The following AMN1 variants were observed in gnomAD, a reference collection of about 807,000 sequenced individuals.
The protein encoded by AMN1 is antagonist of mitotic exit network 1 homolog, also known as protein AMN1 homolog.
AMN1 carries 20 observed loss-of-function variants against 33.0 expected under a neutral mutation model. That is an observed-to-expected ratio of 0.61 (90% CI 0.43 to 0.88). The LOEUF (loss-of-function observed/expected upper bound fraction) is 0.88. AMN1 is among the 40% of genes least tolerant of loss of function. AMN1 has a pLI of 0.00. For missense variants in AMN1, 246 were observed against 307.4 expected, an observed-to-expected ratio of 0.80 and a Z score of 1.49; for synonymous variants, 114 against 111.9, an observed-to-expected ratio of 1.02 and a Z score of -0.12.
rs1236327493 is a variant in AMN1 at position 31,685,027 on chromosome 12, TA to T, written c.703+3979del. Reference sequence around the variant, plus strand: ...TTTTATAAATTTTGTTTTCCATAATTATTATTTTTTTTTTTTTGAGATAGAG... The same window carrying T: ...TTTTATAAATTTTGTTTTCCATAATTTTATTTTTTTTTTTTTGAGATAGAG... On this transcript the variant is annotated intron_variant, in intron 6 of 6. Transcript: ENST00000281471. 9.1e-5 allele frequency among the ~76,000 whole-genome samples: 13 copies of T among 142,506 alleles called. 1 individual carries two copies. Among genetic ancestry groups the T allele is most frequent in the South Asian group, 4.5e-4 (2 of 4,460 alleles). The allele number at this position is 142,506 out of a possible 152,430, so 93.5% of individuals were successfully genotyped here. A position where few individuals can be genotyped will look rare whatever the true frequency, so the allele number is the denominator to read the frequency against.
rs11832803 is a variant in AMN1 at position 31,720,914 on chromosome 12, C to T, written c.38+8057G>A. On this transcript the variant is annotated intron_variant, in intron 1 of 6. Coordinates refer to ENST00000281471, the MANE Select transcript of AMN1 (RefSeq NM_001113402.2). ...ATTTGAGTACCCAGTTTCAATTCAA[C>T]TGGGTATAGACTTAGAAGTCAAATT... Among the ~76,000 whole-genome samples, 1,272 of 152,290 alleles carry T rather than the reference C, an allele frequency of 8.4e-3. 17 individuals carry two copies. Among genetic ancestry groups the T allele is most frequent in the African/African-American group, 0.029 (1,200 of 41,536 alleles).
intron 6 of AMN1, among the ~76,000 whole-genome samples, chr12:31,677,955 C>G (rs1468363357): frequency 6.6e-6 from 1 of 152,204 alleles, no homozygotes; most frequent in Non-Finnish European, 1.5e-5. Context: ...TGGCCCCGCC[C>G]TATACCCTGG....
At chr12:31,686,609 A>G (rs1164484214) in intron 6 of AMN1, among the ~76,000 whole-genome samples, 1 of 152,228 alleles carries the variant, frequency 6.6e-6, no homozygotes, top group Non-Finnish European at 1.5e-5. Flanking sequence ...CCTAGCCTAC[A>G]TGCTCAGAAC....
intron 5 of AMN1, among the ~76,000 whole-genome samples, chr12:31,694,810 G>T (rs749766363): frequency 1.3e-5 from 2 of 151,982 alleles, no homozygotes; most frequent in Non-Finnish European, 2.9e-5. Context: ...AAAGGTTAAA[G>T]TATATTCACT....
At chr12:31,723,689 T>G (rs1310858368) in intron 1 of AMN1, among the ~76,000 whole-genome samples, 2 of 152,228 alleles carry the variant, frequency 1.3e-5, no homozygotes, top group African/African-American at 2.4e-5. Context: ...CTCAGGCTGC[T>G]GCCATTTCTT....
In AMN1 at chr12:31,709,286, C is replaced by T. The variant is rs1239827648; in HGVS notation, c.171+7G>A. 1 of 1,612,842 alleles carries T rather than the reference C, an allele frequency of 6.2e-7. No individual in the cohort carries two copies. Among genetic ancestry groups the T allele is most frequent in the Non-Finnish European group, 8.5e-7 (1 of 1,179,236 alleles). On this transcript the variant is annotated splice_region_variant and intron_variant, in intron 2 of 6. Coordinates refer to ENST00000281471, the MANE Select transcript of AMN1 (RefSeq NM_001113402.2). ...TATGCTTGCTTTACAGTTATTCATA[C>T]TCTTACCTCACTTATATTTGAATCT... is the stretch of plus-strand genomic sequence containing the variant.
Position 31,718,874 on chromosome 12 carries a change from C to T in AMN1, c.39-9449G>A, listed in dbSNP as rs369376085. 7.2e-5 allele frequency among the ~76,000 whole-genome samples: 11 copies of T among 152,340 alleles called. 1 individual carries two copies. The highest frequency in any genetic ancestry group is 1.9e-4 in the East Asian group (1 of 5,192). On this transcript the variant is annotated intron_variant, in intron 1 of 6. Coordinates refer to ENST00000281471, the MANE Select transcript of AMN1 (RefSeq NM_001113402.2). ...TTTGTTTACACTGTGAGCATAGAAC[C>T]GCCTACTCAAGCCTCAGCAATGGCA...
intron 6 of AMN1, among the ~76,000 whole-genome samples, chr12:31,677,007 A>G (rs1340031349): frequency 2.0e-5 from 3 of 151,514 alleles, no homozygotes; most frequent in African/African-American, 4.9e-5. Flanking sequence ...ATAGAAACAC[A>G]TACTCTCTTG....
chr12:31,704,084 T>C (rs1294157453), intron 2 of AMN1, among the ~76,000 whole-genome samples: 1 of 152,252 alleles, frequency 6.6e-6, no homozygotes, highest in African/African-American at 2.4e-5. Flanking sequence ...CTGAGATTTC[T>C]ACAGGAAGTA....
At chr12:31,715,675 A>G (rs1320287687) in intron 1 of AMN1, 3 of 157,800 alleles carry the variant, frequency 1.9e-5, no homozygotes, top group Non-Finnish European at 4.3e-5. Flanking sequence ...GAGGGGAAAT[A>G]AGGAACTCTG....
intron 6 of AMN1, among the ~76,000 whole-genome samples, chr12:31,685,307 G>A (rs1226879138): frequency 6.6e-6 from 1 of 152,080 alleles, no homozygotes; most frequent in Non-Finnish European, 1.5e-5. Context: ...GGGATTACAG[G>A]CGTGAGCCAC....
intron 6 of AMN1, among the ~76,000 whole-genome samples, chr12:31,680,631 T>C (rs560804717): frequency 1.3e-5 from 2 of 152,250 alleles, no homozygotes; most frequent in Non-Finnish European, 2.9e-5. Flanking sequence ...CTAACTAAGG[T>C]TAAGAAATTT....
At chr12:31,715,081 C>T (rs747508691) in intron 1 of AMN1, 4 of 209,066 alleles carry the variant, frequency 1.9e-5, no homozygotes, top group Non-Finnish European at 2.5e-5. Flanking sequence ...TAGCCATTAA[C>T]CCAAGTGTAC....
intron 5 of AMN1, among the ~76,000 whole-genome samples, chr12:31,696,919 TC>T (rs1301135668): frequency 2.2e-5 from 3 of 138,834 alleles, no homozygotes; most frequent in Non-Finnish European, 4.6e-5. Flanking sequence ...AGACTCCGTC[TC>T]AAAAAAAAAA....
At chr12:31,704,168 T>A (rs1476536248) in intron 2 of AMN1, among the ~76,000 whole-genome samples, 9 of 152,232 alleles carry the variant, frequency 5.9e-5, no homozygotes, top group African/African-American at 4.8e-5. Context: ...AAGGTTTTTT[T>A]AAATCAATTT....
intron 6 of AMN1, 61 bp downstream of exon 6, chr12:31,688,946 T>A: frequency 4.6e-6 from 5 of 1,098,358 alleles, no homozygotes; most frequent in Non-Finnish European, 6.8e-6. Context: ...AGTAATGTAC[T>A]CAAGGTCACA....
chr12:31,680,234 T>A (rs1279362719), intron 6 of AMN1, among the ~76,000 whole-genome samples: 1 of 152,034 alleles, frequency 6.6e-6, no homozygotes, highest in Non-Finnish European at 1.5e-5. Flanking sequence ...AGTTTTGCTC[T>A]TTGTTGCCCA....
intron 2 of AMN1, among the ~76,000 whole-genome samples, 168 bp from the exon 3 acceptor site, chr12:31,702,175 C>T (rs1164665347): frequency 6.6e-6 from 1 of 152,120 alleles, no homozygotes; most frequent in African/African-American, 2.4e-5. Context: ...CAGGAGAAAA[C>T]CACTTCTACT....
intron 6 of AMN1, among the ~76,000 whole-genome samples, chr12:31,677,697 C>T (rs995428098): frequency 6.6e-6 from 1 of 152,164 alleles, no homozygotes; most frequent in African/African-American, 2.4e-5. Context: ...ACCTCAGAAC[C>T]AAGGTCTCTG....
Sources: gnomAD v4.1 joint callset for allele counts (sites outside exome capture counted in the v4.1 genomes callset) on GRCh38, gnomAD v4.1.1 for gene constraint, MANE v1.5 for transcripts, NCBI Gene and HGNC (gene_info 2026-07-23, HGNC 2026-07-21) for gene names.